Variants in EP300 observed in about 807,000 individuals in gnomAD.
The protein encoded by EP300 is histone acetyltransferase p300.
Under a neutral mutation model 264.0 loss-of-function variants are expected in EP300, and 31 were observed. The ratio of observed to expected loss-of-function variants is 0.12; its 90% CI spans 0.09 to 0.16. The LOEUF (loss-of-function observed/expected upper bound fraction) is 0.16. Among genes scored for constraint, EP300 ranks in the 10% least tolerant of loss-of-function variants. EP300 has a pLI of 1.00. For missense variants in EP300, 2,766 were observed against 3,052.9 expected (o/e 0.91, Z 2.21); for synonymous variants, 1,340 against 1,045.4 (o/e 1.28, Z -5.44).
chr22:41,144,427 C>G lies in EP300; in HGVS notation c.2054-2312C>G, dbSNP rs570907248. Among the ~76,000 whole-genome samples, 18 of 151,820 alleles carry G rather than the reference C, an allele frequency of 1.2e-4. 1 individual carries two copies. The highest frequency in any genetic ancestry group is 3.4e-3 in the Middle Eastern group (1 of 294). On this transcript the variant is annotated intron_variant, in intron 10 of 30. Coordinates refer to ENST00000263253, the MANE Select transcript of EP300 (RefSeq NM_001429.4). ...AGTGCAGTGGTGTGATCTCGGCTCA[C>G]TGCATCCTCCATGCCTCCCAAGCTC... is the stretch of plus-strand genomic sequence containing the variant.
intron 17 of EP300, among the ~76,000 whole-genome samples, chr22:41,156,505 G>C (rs527610586): frequency 6.6e-6 from 1 of 152,282 alleles, no homozygotes; most frequent in African/African-American, 2.4e-5. Context: ...CAGATCACTT[G>C]AGTTCAGGAG....
chr22:41,119,672 A>G (rs2058841621), intron 2 of EP300, among the ~76,000 whole-genome samples: 1 of 152,162 alleles, frequency 6.6e-6, no homozygotes, highest in African/African-American at 2.4e-5. Flanking sequence ...GTGTGGGACT[A>G]TTATGGTTAT....
At chr22:41,109,259 A>C (rs947085064) in intron 1 of EP300, among the ~76,000 whole-genome samples, 1 of 151,636 alleles carries the variant, frequency 6.6e-6, no homozygotes, top group African/African-American at 2.4e-5. Flanking sequence ...GTCTCAAAAA[A>C]AAAAAAAAAC....
At position 41,141,685 on chromosome 22, in the gene EP300, CTTT is replaced by C. The variant is rs1241886217; in HGVS notation, c.2053+470_2053+472del. Among the ~76,000 whole-genome samples, 6 of 131,356 alleles carry C rather than the reference CTTT, an allele frequency of 4.6e-5. No homozygotes were observed. The South Asian group carries it at 1.5e-3, about 33-fold the overall frequency. 86.2% of individuals were successfully genotyped at this position (131,356 alleles called of 152,430 possible). A position where few individuals can be genotyped will look rare whatever the true frequency, so the allele number is the denominator to read the frequency against. Reference sequence around the variant, plus strand: ...GAACTCTTTTTTTTTTTTTCTTTTTCTTTTTTTTTGAGGCAGAGTCTCACTCCG... The same window carrying C: ...GAACTCTTTTTTTTTTTTTCTTTTTCTTTTTTGAGGCAGAGTCTCACTCCG... On this transcript the variant is annotated intron_variant, in intron 10 of 30. Coordinates refer to ENST00000263253, the MANE Select transcript of EP300 (RefSeq NM_001429.4).
chr22:41,142,885 C>CAA (rs879716995), intron 10 of EP300, among the ~76,000 whole-genome samples: 2 of 143,712 alleles, frequency 1.4e-5, no homozygotes, highest in South Asian at 2.2e-4. Flanking sequence ...GACTCTGTCT[C>CAA]AAAAAAAAAA....
At chr22:41,097,906 T>C (rs1208872049) in intron 1 of EP300, among the ~76,000 whole-genome samples, 1 of 151,904 alleles carries the variant, frequency 6.6e-6, no homozygotes, top group Non-Finnish European at 1.5e-5. Context: ...ATGTTGGCCA[T>C]GATGGTCTCG....
chr22:41,139,978 A>T (rs1474627256), intron 8 of EP300, among the ~76,000 whole-genome samples, 162 bp from the exon 9 acceptor site: 1 of 152,248 alleles, frequency 6.6e-6, no homozygotes, highest in African/African-American at 2.4e-5. Context: ...ATAGACAAAA[A>T]TTCTTTTGTT....
Position 41,176,303 on chromosome 22 carries a change from T to A in EP300, c.4836T>A (p.Ile1612=), listed in dbSNP as rs1717231594. 1 of 1,614,172 alleles carries A rather than the reference T, an allele frequency of 6.2e-7. No homozygotes were observed. Among genetic ancestry groups the A allele is most frequent in the East Asian group, 2.2e-5 (1 of 44,886 alleles). Residue 1612 remains isoleucine (I), a synonymous_variant, in exon 30 of 31, where the codon ATT becomes ATA. Transcript: ENST00000263253. ...AGPAANSLPP[I]VDPDPLIPCD... is the part of the protein sequence containing the mutation. ...CTGCTGCCAACTCCCTGCCTCCCAT[T>A]GTTGATCCTGATCCTCTCATCCCCT...
chr22:41,130,703 ATTC>A (rs1410455882), intron 5 of EP300, among the ~76,000 whole-genome samples: 1 of 152,166 alleles, frequency 6.6e-6, no homozygotes, highest in African/African-American at 2.4e-5. Flanking sequence ...TGGGCAAGTT[ATTC>A]TTTTATACTA....
intron 7 of EP300, among the ~76,000 whole-genome samples, chr22:41,137,167 T>C (rs1273353162): frequency 6.6e-6 from 1 of 151,746 alleles, no homozygotes; most frequent in Non-Finnish European, 1.5e-5. Context: ...GAGACCAGCC[T>C]AGCCAACATG....
intron 1 of EP300, 56 bp downstream of exon 1, chr22:41,093,154 C>A (rs2145666083): frequency 6.6e-7 from 1 of 1,525,082 alleles, no homozygotes; most frequent in Non-Finnish European, 9.1e-7. Flanking sequence ...CTACTCGGTG[C>A]GCCTTTATTC....
At position 41,179,889 on chromosome 22, in the gene EP300, C is replaced by T. The variant is rs2145528426; in HGVS notation, c.*933C>T. 1 of 85,446 alleles carries T rather than the reference C, an allele frequency of 1.2e-5. No homozygotes were observed. Among genetic ancestry groups the T allele is most frequent in the African/African-American group, 6.4e-5 (1 of 15,600 alleles). 5.3% of individuals were successfully genotyped at this position (85,446 alleles called of 1,614,324 possible). The stretch of plus-strand genomic sequence containing the variant: ...TTACCCTACCCCCCACTCACACACA[C>T]ACACACACACACACACACACACACA... On this transcript the variant is annotated 3_prime_UTR_variant, in exon 31 of 31. Coordinates refer to ENST00000263253, the MANE Select transcript of EP300 (RefSeq NM_001429.4).
intron 18 of EP300, among the ~76,000 whole-genome samples, chr22:41,157,929 T>C (rs373373457): frequency 5.9e-5 from 9 of 152,178 alleles, no homozygotes; most frequent in Non-Finnish European, 1.3e-4. Context: ...AAAAGTTGAC[T>C]AATTAAATAA....
At chr22:41,114,847 G>T (rs2058812569) in intron 1 of EP300, among the ~76,000 whole-genome samples, 1 of 151,818 alleles carries the variant, frequency 6.6e-6, no homozygotes, top group Non-Finnish European at 1.5e-5. Flanking sequence ...TACAAGAAGA[G>T]GAAGGGCACA....
At chr22:41,160,552 G>C in intron 19 of EP300, 90 bp from the exon 20 acceptor site, 1 of 1,196,530 alleles carries the variant, frequency 8.4e-7, no homozygotes, top group Non-Finnish European at 1.2e-6. Context: ...CCCCCTCCTT[G>C]GCCTGCTGTG....
intron 11 of EP300, 139 bp downstream of exon 11, chr22:41,146,955 C>A: frequency 1.3e-6 from 1 of 776,426 alleles, no homozygotes; most frequent in Non-Finnish European, 2.2e-6. Flanking sequence ...GGGTGAAGAG[C>A]AGGTTGGCTG....
In EP300 at chr22:41,117,861, T is replaced by C. The variant is rs777101555; in HGVS notation, c.729+40T>C. Reference sequence around the variant, plus strand: ...GGTTTGTGTGCACAATCGGCATGCATGTGAGTATTGTCATGATGGATGGAG... The same window carrying C: ...GGTTTGTGTGCACAATCGGCATGCACGTGAGTATTGTCATGATGGATGGAG... On this transcript the variant is annotated intron_variant, in intron 2 of 30. Transcript: ENST00000263253. 26 of 1,612,148 alleles carry C rather than the reference T, an allele frequency of 1.6e-5. No individual in the cohort carries two copies. In the South Asian group the frequency reaches 2.7e-4, roughly 17 times the overall value.
At chr22:41,122,399 C>G (rs2058857848) in intron 2 of EP300, among the ~76,000 whole-genome samples, 1 of 152,016 alleles carries the variant, frequency 6.6e-6, no homozygotes, top group African/African-American at 2.4e-5. Flanking sequence ...CTCCTGACCT[C>G]AGGTGATCCA....
rs1261547681 is a variant in EP300 at position 41,131,759 on chromosome 22, T to G, written c.1528+126T>G. On this transcript the variant is annotated intron_variant, in intron 6 of 30. Coordinates refer to ENST00000263253, the MANE Select transcript of EP300 (RefSeq NM_001429.4). ...ATTTTTTAAGTAATTTTTTAAAGAT[T>G]ACAGTGTAAAAGGTCCCTTACAGTT... 14 of 1,430,126 alleles carry G rather than the reference T, an allele frequency of 9.8e-6. No individual in the cohort carries two copies. In the Admixed American group the frequency reaches 1.3e-4, roughly 13 times the overall value. The allele number at this position is 1,430,126 out of a possible 1,614,324, so 88.6% of individuals were successfully genotyped here.
Sources: allele counts gnomAD v4.1 joint callset (sites outside exome capture counted in the v4.1 genomes callset), GRCh38; gene constraint gnomAD v4.1.1; transcripts MANE v1.5; gene names NCBI Gene and HGNC (gene_info 2026-07-23, HGNC 2026-07-21).